Variants in COPS2 observed in about 807,000 individuals in gnomAD.
COPS2 encodes the protein COP9 signalosome complex subunit 2.
Under a neutral mutation model 66.1 loss-of-function variants are expected in COPS2, and 10 were observed. The ratio of observed to expected loss-of-function variants is 0.15; its 90% CI spans 0.09 to 0.26. The LOEUF is 0.26. Ranked by LOEUF, COPS2 falls within the 10% of genes least tolerant of loss-of-function variation. The pLI, the probability that COPS2 is intolerant of heterozygous loss-of-function variation, is 1.00. For missense variants in COPS2, 215 were observed against 513.3 expected, an observed-to-expected ratio of 0.42 and a Z score of 5.62; for synonymous variants, 179 against 171.3, an observed-to-expected ratio of 1.04 and a Z score of -0.35.
At chr15:49,153,588 C>T (rs2084377350) in intron 1 of COPS2, among the ~76,000 whole-genome samples, 1 of 152,202 alleles carries the variant, frequency 6.6e-6, no homozygotes, top group South Asian at 2.1e-4. Context: ...AATACCTGCA[C>T]TCCATGTTCA....
chr15:49,150,203 A>G (rs2663090), intron 1 of COPS2, among the ~76,000 whole-genome samples: 99,151 of 149,702 alleles, frequency 0.66, 33,474 homozygotes, highest in African/African-American at 0.75. Flanking sequence ...CATGAGAATC[A>G]CGCCACTGCA....
At chr15:49,155,263 T>C (rs2084414422) in intron 1 of COPS2, among the ~76,000 whole-genome samples, 1 of 152,240 alleles carries the variant, frequency 6.6e-6, no homozygotes, top group South Asian at 2.1e-4. Flanking sequence ...GGGGCATCCG[T>C]GTAAACCGAA....
In COPS2 at chr15:49,139,606, A is replaced by G; in HGVS notation, c.294T>C (p.Tyr98=). 6.2e-7 allele frequency: 1 copy of G among 1,602,902 alleles called. No homozygotes were observed. The highest frequency in any genetic ancestry group is 8.5e-7 in the Non-Finnish European group (1 of 1,171,356). The change falls in exon 4 of 13, where the codon TAT becomes TAC. Residue 98 remains tyrosine, a synonymous_variant. Transcript: ENST00000388901. ...MMNRYKQLLT[Y]IRSAVTRNYS... Reference sequence around the variant, plus strand: ...AATTTCTTGTGACTGCACTCCGAATATAGGTCAATAGCTGCTTATATCTAT... The same window carrying G: ...AATTTCTTGTGACTGCACTCCGAATGTAGGTCAATAGCTGCTTATATCTAT...
intron 1 of COPS2, among the ~76,000 whole-genome samples, chr15:49,151,912 T>C (rs2084364613): frequency 6.6e-6 from 1 of 151,948 alleles, no homozygotes; most frequent in African/African-American, 2.4e-5. Flanking sequence ...AGAAACAGAC[T>C]TAATTTTTCA....
chr15:49,152,548 G>A (rs1305988776), intron 1 of COPS2, among the ~76,000 whole-genome samples: 1 of 152,304 alleles, frequency 6.6e-6, no homozygotes, highest in Non-Finnish European at 1.5e-5. Context: ...AAGGCTGGTT[G>A]TGGTGACTAA....
intron 1 of COPS2, among the ~76,000 whole-genome samples, chr15:49,154,203 A>G (rs570091417): frequency 4.6e-5 from 7 of 152,332 alleles, no homozygotes; most frequent in African/African-American, 1.4e-4. Flanking sequence ...AAACATTTTG[A>G]TAACAAAACA....
At chr15:49,141,840 C>T (rs888842808) in intron 3 of COPS2, among the ~76,000 whole-genome samples, 1 of 152,150 alleles carries the variant, frequency 6.6e-6, no homozygotes, top group African/African-American at 2.4e-5. Flanking sequence ...CCCTTCCTTC[C>T]CACTCTGCTC....
At chr15:49,147,725 C>CAAAA (rs34315247) in intron 1 of COPS2, among the ~76,000 whole-genome samples, 4 of 94,824 alleles carry the variant, frequency 4.2e-5, no homozygotes, top group African/African-American at 1.3e-4. Flanking sequence ...GTTACAACTC[C>CAAAA]AAAAAAAAAA....
intron 3 of COPS2, among the ~76,000 whole-genome samples, chr15:49,140,241 C>G (rs778711902): frequency 6.6e-6 from 1 of 151,894 alleles, no homozygotes; most frequent in East Asian, 1.9e-4. Flanking sequence ...GTGATCTGCC[C>G]GCCTTGGCCT....
At chr15:49,137,643 T>C (rs566798439) in intron 4 of COPS2, 20 of 496,366 alleles carry the variant, frequency 4.0e-5, no homozygotes, top group Non-Finnish European at 7.1e-5. Context: ...ATGCGTTGTT[T>C]TATAGAACCC....
chr15:49,139,271 A>G (rs1057341480), intron 4 of COPS2: 5 of 343,262 alleles, frequency 1.5e-5, no homozygotes, highest in Non-Finnish European at 2.6e-5. Flanking sequence ...GGAGTCTAAC[A>G]TAAGCCTGAA....
intron 6 of COPS2, among the ~76,000 whole-genome samples, chr15:49,136,803 A>G (rs2084255469): frequency 6.6e-6 from 1 of 152,062 alleles, no homozygotes; most frequent in South Asian, 2.1e-4. Context: ...CCTGGGCAAC[A>G]TGGCAAAACC....
intron 1 of COPS2, among the ~76,000 whole-genome samples, chr15:49,146,129 T>G (rs12915792): frequency 1.3e-5 from 2 of 152,020 alleles, no homozygotes; most frequent in African/African-American, 2.4e-5. Context: ...ATAAGTTACT[T>G]GAAAGCTCAA....
At position 49,144,334 on chromosome 15, in the gene COPS2, CTTAATA is replaced by C. The variant is rs776806262; in HGVS notation, c.169-36_169-31del. 3.8e-5 allele frequency: 50 copies of C among 1,306,062 alleles called. No homozygotes were observed. In the East Asian group the frequency reaches 6.9e-4, roughly 18 times the overall value. The allele number at this position is 1,306,062 out of a possible 1,614,324, so 80.9% of individuals were successfully genotyped here. The stretch of plus-strand genomic sequence containing the variant: ...AAAGAGGAAGAAATTTTTAGTTTAT[CTTAATA>C]TTAACACATTATTTTCTAATGATGC... On this transcript the variant is annotated intron_variant, in intron 2 of 12. Transcript: ENST00000388901.
chr15:49,152,859 A>G (rs768723064), intron 1 of COPS2, among the ~76,000 whole-genome samples: 19 of 152,192 alleles, frequency 1.2e-4, no homozygotes, highest in Non-Finnish European at 2.6e-4. Context: ...ATTCAACTTC[A>G]TTTTACTGCT....
chr15:49,139,329 A>C (rs945505253), intron 4 of COPS2, 199 bp downstream of exon 4: 2 of 467,714 alleles, frequency 4.3e-6, no homozygotes, highest in African/African-American at 2.0e-5. Flanking sequence ...TAAAGAGATC[A>C]AGCTGGAGTT....
chr15:49,131,555 G>A (rs1022860920), intron 9 of COPS2, among the ~76,000 whole-genome samples: 6 of 151,780 alleles, frequency 4.0e-5, no homozygotes, highest in Admixed American at 6.6e-5. Flanking sequence ...TATACTGCAC[G>A]CCCTCTGCTA....
chr15:49,129,296 C>A (rs1288451391), intron 11 of COPS2, among the ~76,000 whole-genome samples, 181 bp downstream of exon 11: 2 of 150,316 alleles, frequency 1.3e-5, no homozygotes, highest in African/African-American at 2.5e-5. Flanking sequence ...TACAGCAAGA[C>A]CCTGTCTCTT....
At chr15:49,136,567 A>G (rs1210736508) in intron 6 of COPS2, among the ~76,000 whole-genome samples, 1 of 152,170 alleles carries the variant, frequency 6.6e-6, no homozygotes, top group East Asian at 1.9e-4. Flanking sequence ...ATATAAAAAT[A>G]TCTTTATTAC....
Sources: allele counts gnomAD v4.1 joint callset (sites outside exome capture counted in the v4.1 genomes callset), GRCh38; gene constraint gnomAD v4.1.1; transcripts MANE v1.5; gene names NCBI Gene and HGNC (gene_info 2026-07-23, HGNC 2026-07-21).